ITGB3: variants seen among roughly 807,000 people sequenced by gnomAD.
ITGB3 encodes integrin subunit beta 3.
In ITGB3, 48 loss-of-function variants were observed where a neutral mutation model predicts 85.8. The ratio of observed to expected loss-of-function variants is 0.56; its 90% CI spans 0.44 to 0.71. ITGB3 has a LOEUF of 0.71. Ranked by LOEUF, ITGB3 falls within the 30% of genes least tolerant of loss-of-function variation. The pLI is 0.00. For missense variants in ITGB3, 861 were observed against 1,019.1 expected, an observed-to-expected ratio of 0.84 and a Z score of 2.11; for synonymous variants, 363 against 395.6, an observed-to-expected ratio of 0.92 and a Z score of 0.98.
At chr17:47,291,652 C>G (rs934033952) in intron 9 of ITGB3, among the ~76,000 whole-genome samples, 3 of 152,116 alleles carry the variant, frequency 2.0e-5, no homozygotes, top group African/African-American at 7.2e-5. Context: ...TGCAAACATC[C>G]CATGTTAGAA....
In ITGB3 at chr17:47,287,102, C is replaced by G; in HGVS notation, c.810C>G (p.His270Gln). The G allele has an allele frequency of 6.2e-7, 1 of 1,614,128 alleles. No homozygotes were observed. Among genetic ancestry groups the G allele is most frequent in the Non-Finnish European group, 8.5e-7 (1 of 1,179,980 alleles). ...TTGGCTGGAGGAATGATGCATCCCACTTGCTGGTGTTTACCACTGATGCCA... is the reference window on the plus strand; with the variant it reads ...TTGGCTGGAGGAATGATGCATCCCAGTTGCTGGTGTTTACCACTGATGCCA... The part of the protein sequence containing the change: ...EKIGWRNDAS[H>Q]LLVFTTDAKT... Residue 270 changes from histidine (H) to glutamine (Q), a missense_variant, in exon 6 of 15, where the codon CAC becomes CAG. Coordinates refer to ENST00000559488, the MANE Select transcript of ITGB3 (RefSeq NM_000212.3).
Position 47,300,489 on chromosome 17 carries a change from A to T in ITGB3, c.1925A>T (p.Glu642Val), listed in dbSNP as rs2065163207. 1 of 1,613,320 alleles carries T rather than the reference A, an allele frequency of 6.2e-7. No individual in the cohort carries two copies. Among genetic ancestry groups the T allele is most frequent in the Admixed American group, 1.7e-5 (1 of 59,990 alleles). The change falls in exon 12 of 15, where the codon GAG (glutamate) becomes GTG (valine). Residue 642 changes from glutamate (E) to valine (V), a missense_variant. By Grantham distance (121) the Glu-to-Val change is moderately radical. Coordinates refer to ENST00000559488, the MANE Select transcript of ITGB3 (RefSeq NM_000212.3). ...DACTFKKECV[E>V]CKKFDRGALH... The stretch of plus-strand genomic sequence containing the variant: ...CCTCTCTCCTTCAGAGAATGTGTGG[A>T]GTGTAAGAAGTTTGACCGGGGAGCC...
intron 1 of ITGB3, among the ~76,000 whole-genome samples, chr17:47,260,456 A>C (rs1198462006): frequency 6.6e-6 from 1 of 152,222 alleles, no homozygotes; most frequent in Non-Finnish European, 1.5e-5. Flanking sequence ...AAAACTTTGC[A>C]CTAGAAGAGA....
In ITGB3 at chr17:47,312,180, C is replaced by A. The variant is rs1174271279; in HGVS notation, c.*1976C>A. On this transcript the variant is annotated 3_prime_UTR_variant, in exon 15 of 15. Transcript: ENST00000559488. Reference sequence around the variant, plus strand: ...AATAGTTACGTCTCTCCTGATGTAGCACTTAAGCTTCATTTAGTTATTATT... The same window carrying A: ...AATAGTTACGTCTCTCCTGATGTAGAACTTAAGCTTCATTTAGTTATTATT... Among the ~76,000 whole-genome samples, 1 of 152,222 alleles carries A rather than the reference C, an allele frequency of 6.6e-6. No individual in the cohort carries two copies. The highest frequency in any genetic ancestry group is 1.9e-4 in the East Asian group (1 of 5,200).
intron 6 of ITGB3, among the ~76,000 whole-genome samples, chr17:47,287,628 C>T (rs925686606): frequency 6.6e-6 from 1 of 152,166 alleles, no homozygotes; most frequent in Non-Finnish European, 1.5e-5. Context: ...AAAGATTGGC[C>T]AGGCATATGA....
intron 1 of ITGB3, among the ~76,000 whole-genome samples, chr17:47,269,066 A>G (rs2143053592): frequency 6.6e-6 from 1 of 152,270 alleles, no homozygotes; most frequent in Non-Finnish European, 1.5e-5. Context: ...CCTGAGCTCT[A>G]TGTTGGTCAC....
At chr17:47,279,048 T>C (rs2065074064) in intron 2 of ITGB3, among the ~76,000 whole-genome samples, 1 of 152,248 alleles carries the variant, frequency 6.6e-6, no homozygotes, top group Non-Finnish European at 1.5e-5. Flanking sequence ...TTTTACTTCC[T>C]GACCAACCCT....
intron 8 of ITGB3, 56 bp from the exon 9 acceptor site, chr17:47,290,897 CA>C (rs2065122647): frequency 6.2e-7 from 1 of 1,606,498 alleles, no homozygotes; most frequent in Non-Finnish European, 8.5e-7. Flanking sequence ...TGGCTCTTGC[CA>C]TTTCCCGTTT....
chr17:47,262,692 C>T (rs1409579069), intron 1 of ITGB3, among the ~76,000 whole-genome samples: 6 of 152,130 alleles, frequency 3.9e-5, no homozygotes, highest in Non-Finnish European at 7.3e-5. Context: ...TGGGTCTCTC[C>T]CTGGGGACTC....
chr17:47,253,979 C>T, intron 1 of ITGB3, 39 bp downstream of exon 1: 1 of 1,271,480 alleles, frequency 7.9e-7, no homozygotes, highest in African/African-American at 1.6e-5. Context: ...GCAGCTGCCC[C>T]AGGATCTGCG....
intron 2 of ITGB3, 84 bp downstream of exon 2, chr17:47,274,588 C>A (rs2143069017): frequency 8.8e-7 from 1 of 1,131,070 alleles, no homozygotes; most frequent in Admixed American, 1.7e-5. Flanking sequence ...TATCACCTCC[C>A]TCTTGAATAC....
chr17:47,257,513 A>T (rs936497865), intron 1 of ITGB3, among the ~76,000 whole-genome samples: 2 of 152,262 alleles, frequency 1.3e-5, no homozygotes, highest in African/African-American at 4.8e-5. Context: ...TGCCTGGCAC[A>T]TAGGCAGCAA....
chr17:47,286,388 G>A lies in ITGB3; in HGVS notation c.743G>A (p.Gly248Asp). 1 of 1,614,214 alleles carries A rather than the reference G, an allele frequency of 6.2e-7. No homozygotes were observed. Among genetic ancestry groups the A allele is most frequent in the Non-Finnish European group, 8.5e-7 (1 of 1,180,036 alleles). Residue 248 changes from glycine (G) to aspartate (D), a missense_variant, in exon 5 of 15, where the codon GGC becomes GAC. Gly to Asp is a moderately conservative substitution (Grantham distance 94). Coordinates refer to ENST00000559488, the MANE Select transcript of ITGB3 (RefSeq NM_000212.3). ...VSRNRDAPEGGFDAIMQATVC... is the reference protein window; with the variant it reads ...VSRNRDAPEGDFDAIMQATVC... ...CGGAACCGAGATGCCCCAGAGGGTG[G>A]CTTTGATGCCATCATGCAGGCTACA...
In ITGB3 at chr17:47,284,403, G is replaced by A. The variant is rs1290701736; in HGVS notation, c.362-40G>A. The A allele has an allele frequency of 3.1e-6, 5 of 1,613,260 alleles. No individual in the cohort carries two copies. In the South Asian group the frequency reaches 4.4e-5, roughly 14 times the overall value. ...CCAAATCTGCTTATTCAATCTTGGT[G>A]GGAGAAGAAGATAAAAACTAACATC... On this transcript the variant is annotated intron_variant, in intron 3 of 14. Coordinates refer to ENST00000559488, the MANE Select transcript of ITGB3 (RefSeq NM_000212.3).
intron 10 of ITGB3, among the ~76,000 whole-genome samples, chr17:47,297,047 C>T (rs1171542911): frequency 6.6e-6 from 1 of 152,186 alleles, no homozygotes; most frequent in Non-Finnish European, 1.5e-5. Context: ...TTTCTTACTA[C>T]TTTGGTCTCT....
rs1299153841 is a variant in ITGB3, at chr17:47,290,214, A to T, written c.1065A>T (p.Thr355=). ...ATAGTGAGCTCATCCCAGGGACCAC[A>T]GTTGGGGTTCTGTCCATGGATTCCA... ...QNYSELIPGT[T]VGVLSMDSSN... is the part of the protein sequence containing the mutation. The change falls in exon 8 of 15, where the codon ACA becomes ACT. Residue 355 remains threonine (T), a synonymous_variant. Transcript: ENST00000559488. 1 of 1,614,044 alleles carries T rather than the reference A, an allele frequency of 6.2e-7. No homozygotes were observed. Among genetic ancestry groups the T allele is most frequent in the South Asian group, 1.1e-5 (1 of 91,066 alleles).
intron 2 of ITGB3, among the ~76,000 whole-genome samples, chr17:47,275,838 G>C (rs2065061659): frequency 6.6e-6 from 1 of 152,178 alleles, no homozygotes; most frequent in Non-Finnish European, 1.5e-5. Flanking sequence ...CATTCCCTGG[G>C]GCTAGGGAAG....
rs150855658 is a variant in ITGB3, at chr17:47,310,763, G to A, written c.*559G>A. 31 of 188,830 alleles carry A rather than the reference G, an allele frequency of 1.6e-4. 1 individual carries two copies. The South Asian group carries it at 2.4e-3, about 15-fold the overall frequency. The allele number at this position is 188,830 out of a possible 1,614,324, so 11.7% of individuals were successfully genotyped here. ...TGCCTCCTTTCCCCTCCCTCAGGCC[G>A]AAGGAGGAGTCAGGGAGAGCTGAAC... On this transcript the variant is annotated 3_prime_UTR_variant, in exon 15 of 15. Coordinates refer to ENST00000559488, the MANE Select transcript of ITGB3 (RefSeq NM_000212.3).
At position 47,286,440 on chromosome 17, in the gene ITGB3, GGAGTGCCAGGT is replaced by G. The variant is rs1248110713; in HGVS notation, c.777+20_777+30del. ...TCTGTGATGTGAGTTTGGAGGACTTGGAGTGCCAGGTGTGGCTGGCATAGATCAAAATGGGA... is the reference window on the plus strand; with the variant it reads ...TCTGTGATGTGAGTTTGGAGGACTTGGTGGCTGGCATAGATCAAAATGGGA... On this transcript the variant is annotated intron_variant, in intron 5 of 14. Coordinates refer to ENST00000559488, the MANE Select transcript of ITGB3 (RefSeq NM_000212.3). 6.2e-7 allele frequency: 1 copy of G among 1,613,958 alleles called. No homozygotes were observed. Among genetic ancestry groups the G allele is most frequent in the Admixed American group, 1.7e-5 (1 of 60,018 alleles).
Sources: gnomAD v4.1 joint callset for allele counts (sites outside exome capture counted in the v4.1 genomes callset) on GRCh38, gnomAD v4.1.1 for gene constraint, MANE v1.5 for transcripts, NCBI Gene and HGNC (gene_info 2026-07-23, HGNC 2026-07-21) for gene names.